The following SPG11 variants were observed in gnomAD, a reference collection of about 807,000 sequenced individuals.
The protein encoded by SPG11 is SPG11 vesicle trafficking associated, spatacsin, also known as spatacsin.
Under a neutral mutation model 274.0 loss-of-function variants are expected in SPG11, and 222 were observed. The ratio of observed to expected loss-of-function variants is 0.81; its 90% confidence interval spans 0.73 to 0.91. SPG11 has a LOEUF of 0.91. SPG11 is among the 40% of genes least tolerant of loss of function. The probability of loss-of-function intolerance (pLI) is 0.00; values close to 1 mark genes in which losing one functional copy is unlikely to be tolerated. For synonymous variants in SPG11, 1,144 were observed against 1,039.7 expected (o/e 1.10, Z -1.93); for missense variants, 3,114 against 2,872.7 (o/e 1.08, Z -1.92).
chr15:44,611,086 CCCAGT>C, intron 17 of SPG11, 101 bp from the exon 18 acceptor site: 6 of 220,802 alleles, frequency 2.7e-5, no homozygotes, highest in Non-Finnish European at 2.9e-5. Flanking sequence ...TAACTCTATC[CCCAGT>C]AAAAAAAAAA....
In SPG11 at chr15:44,613,332, A is replaced by G. The variant is rs919266157; in HGVS notation, c.3145+98T>C. 26 of 851,126 alleles carry G rather than the reference A, an allele frequency of 3.1e-5. No individual in the cohort carries two copies. In the African/African-American group the frequency reaches 4.2e-4, roughly 14 times the overall value. 52.7% of individuals were successfully genotyped at this position (851,126 alleles called of 1,614,324 possible). Reference sequence around the variant, plus strand: ...TACATTCAGATAGCTGACCACAGCCAAATAATTTATTTAAAAGAGTTCACA... The same window carrying G: ...TACATTCAGATAGCTGACCACAGCCGAATAATTTATTTAAAAGAGTTCACA... On this transcript the variant is annotated intron_variant, in intron 17 of 39. Transcript: ENST00000261866.
intron 8 of SPG11, among the ~76,000 whole-genome samples, chr15:44,632,552 C>G (rs2084100728): frequency 6.7e-6 from 1 of 150,024 alleles, no homozygotes; most frequent in South Asian, 2.1e-4. Context: ...TACTTTGCAA[C>G]CAGGCTGAAG....
chr15:44,583,321 A>G (rs1803437545), intron 30 of SPG11, among the ~76,000 whole-genome samples: 1 of 152,150 alleles, frequency 6.6e-6, no homozygotes, highest in Admixed American at 6.5e-5. Flanking sequence ...CTCTACTAAT[A>G]CAAAAATTAG....
chr15:44,574,796 G>A (rs920860147), intron 31 of SPG11, 106 bp downstream of exon 31: 3 of 1,357,222 alleles, frequency 2.2e-6, no homozygotes, highest in Non-Finnish European at 2.1e-6. Flanking sequence ...CTACTCCCAG[G>A]TCATGATTAT....
At chr15:44,593,741 C>T (rs1435263697) in intron 26 of SPG11, among the ~76,000 whole-genome samples, 1 of 150,918 alleles carries the variant, frequency 6.6e-6, no homozygotes, top group African/African-American at 2.4e-5. Context: ...AGAGCAACAT[C>T]ACTTCATAAT....
At position 44,652,245 on chromosome 15, in the gene SPG11, C is replaced by T. The variant is rs765967405; in HGVS notation, c.891G>A (p.Leu297=). 33 of 1,613,928 alleles carry T rather than the reference C, an allele frequency of 2.0e-5. No homozygotes were observed. The highest frequency in any genetic ancestry group is 2.3e-5 in the Non-Finnish European group (27 of 1,180,004). ...LYFRQHPGHL[L]CERILEDLPI... ...GAAGATCTTCTAGTATTCTTTCACA[C>T]AGTAGGTGTCCTGGGTGTTGCCTAC... The change falls in exon 5 of 40, where the codon CTG becomes CTA. Residue 297 remains leucine (L), a synonymous_variant. Transcript: ENST00000261866.
At chr15:44,636,939 A>AAACAAAAAAAAAAAAAAAC (rs2084283566) in intron 7 of SPG11, among the ~76,000 whole-genome samples, 1 of 99,300 alleles carries the variant, frequency 1.0e-5, no homozygotes. Flanking sequence ...AAAAAAAAAA[A>AAACAAAAAAAAAAAAAAAC]AAAAAAAAAA....
At chr15:44,648,610 C>T (rs570051100) in intron 7 of SPG11, among the ~76,000 whole-genome samples, 20 of 151,482 alleles carry the variant, frequency 1.3e-4, no homozygotes, top group Non-Finnish European at 2.8e-4. Flanking sequence ...CATTTAGTCT[C>T]ATTAGCTTAA....
intron 28 of SPG11, 107 bp from the exon 29 acceptor site, chr15:44,585,957 T>C: frequency 3.3e-6 from 3 of 920,868 alleles, no homozygotes; most frequent in Non-Finnish European, 5.1e-6. Flanking sequence ...AACATAGTAA[T>C]GTGGTTAAAG....
At chr15:44,624,888 A>G (rs1322822635) in intron 11 of SPG11, among the ~76,000 whole-genome samples, 1 of 152,124 alleles carries the variant, frequency 6.6e-6, no homozygotes, top group East Asian at 1.9e-4. Flanking sequence ...TAATCCCAGC[A>G]CTTTGGGAGG....
At chr15:44,659,407 C>A in intron 2 of SPG11, 104 bp from the exon 3 acceptor site, 1 of 1,012,664 alleles carries the variant, frequency 9.9e-7, no homozygotes, top group South Asian at 1.4e-5. Flanking sequence ...AAAAAAGGAA[C>A]TGGACTTAGT....
In SPG11 at chr15:44,606,028, C is replaced by T. The variant is rs1595872853; in HGVS notation, c.3517G>A (p.Gly1173Arg). ...GWQSANTLAI[G>R]DAWSHLPHFS... ...AGAAGTACCCATGATGACTTACCTC[C>T]TATAGCTAGTGTGTTAGCAGACTGC... is the stretch of plus-strand genomic sequence containing the variant. Residue 1173 changes from glycine (G) to arginine (R), a missense_variant, in exon 20 of 40, where the codon GGA (glycine) becomes AGA (arginine). By Grantham distance (125) the Gly-to-Arg change is moderately radical. Coordinates refer to ENST00000261866, the MANE Select transcript of SPG11 (RefSeq NM_025137.4). 3 of 1,613,490 alleles carry T rather than the reference C, an allele frequency of 1.9e-6. No individual in the cohort carries two copies. The highest frequency in any genetic ancestry group is 1.7e-5 in the Admixed American group (1 of 60,012).
rs755918798 is a variant in SPG11 at position 44,596,286 on chromosome 15, G to A, written c.4231C>T (p.Pro1411Ser). The change falls in exon 25 of 40, where the codon CCC becomes TCC. Residue 1411 changes from proline to serine, a missense_variant. Transcript: ENST00000261866. Reference sequence around the variant, plus strand: ...TCCATTTTGGAGGTGGGCACTGAGGGCAAGTTCTCAAAAGCCAGCCTTAAG... The same window carrying A: ...TCCATTTTGGAGGTGGGCACTGAGGACAAGTTCTCAAAAGCCAGCCTTAAG... ...DHLRLAFENL[P>S]SVPTSKMDSD... is the part of the protein sequence containing the mutation. 107 of 1,614,142 alleles carry A rather than the reference G, an allele frequency of 6.6e-5. 1 individual carries two copies. The South Asian group carries it at 1.1e-3, about 17-fold the overall frequency.
At position 44,608,619 on chromosome 15, in the gene SPG11, CA is replaced by C; in HGVS notation, c.3292-15del. 6.2e-7 allele frequency: 1 copy of C among 1,612,836 alleles called. No individual in the cohort carries two copies. The highest frequency in any genetic ancestry group is 8.5e-7 in the Non-Finnish European group (1 of 1,179,474). The stretch of plus-strand genomic sequence containing the variant: ...ATTCTGAACAACCTAAGTAAAAAAA[CA>C]GATAACAGGTTGGACAGTAGCATTT... On this transcript the variant is annotated splice_polypyrimidine_tract_variant and intron_variant, in intron 18 of 39. Coordinates refer to ENST00000261866, the MANE Select transcript of SPG11 (RefSeq NM_025137.4).
intron 23 of SPG11, among the ~76,000 whole-genome samples, chr15:44,597,578 T>C (rs945186193): frequency 2.0e-5 from 3 of 152,220 alleles, no homozygotes; most frequent in African/African-American, 7.2e-5. Context: ...GAGCACTTAT[T>C]TCTCTTGCTC....
intron 28 of SPG11, among the ~76,000 whole-genome samples, chr15:44,587,049 T>C (rs189838734): frequency 1.2e-4 from 19 of 152,290 alleles, no homozygotes; most frequent in Admixed American, 2.6e-4. Flanking sequence ...CTAAGAATTC[T>C]TGGCCAGGTG....
chr15:44,584,921 A>C (rs1034390083), intron 29 of SPG11, among the ~76,000 whole-genome samples: 5 of 152,168 alleles, frequency 3.3e-5, no homozygotes, highest in African/African-American at 1.2e-4. Flanking sequence ...GAGCCACTGC[A>C]CCTGGCCTTA....
intron 35 of SPG11, 34 bp downstream of exon 35, chr15:44,569,363 AC>A (rs1364042870): frequency 7.1e-7 from 1 of 1,417,188 alleles, no homozygotes; most frequent in Admixed American, 1.9e-5. Flanking sequence ...TATCAGCAGT[AC>A]ACCCCATCCT....
At chr15:44,635,440 C>T (rs534949698) in intron 7 of SPG11, among the ~76,000 whole-genome samples, 3 of 151,286 alleles carry the variant, frequency 2.0e-5, no homozygotes, top group Admixed American at 1.3e-4. Flanking sequence ...CTTGTCTCTA[C>T]TAAAAAAAAT....
Sources: gnomAD v4.1 joint callset for allele counts (sites outside exome capture counted in the v4.1 genomes callset) on GRCh38, gnomAD v4.1.1 for gene constraint, MANE v1.5 for transcripts, NCBI Gene and HGNC (gene_info 2026-07-23, HGNC 2026-07-21) for gene names.